Variants in ZFYVE28 observed in about 807,000 individuals in gnomAD.
ZFYVE28 encodes lateral signaling target protein 2 homolog.
ZFYVE28 carries 40 observed loss-of-function variants against 82.1 expected under a neutral mutation model. The ratio of observed to expected loss-of-function variants is 0.49; its 90% CI spans 0.38 to 0.63. The LOEUF is 0.63. Among genes scored for constraint, ZFYVE28 ranks in the 30% least tolerant of loss-of-function variants. The pLI is 0.00. For synonymous variants in ZFYVE28, 612 were observed against 546.1 expected, an observed-to-expected ratio of 1.12 and a Z score of -1.68; for missense variants, 1,321 against 1,242.1, an observed-to-expected ratio of 1.06 and a Z score of -0.96.
rs71606389 is a variant in ZFYVE28, at chr4:2,341,877, G to A, written c.181-262C>T. 1.9e-4 allele frequency among the ~76,000 whole-genome samples: 29 copies of A among 152,268 alleles called. No homozygotes were observed. The highest frequency in any genetic ancestry group is 6.3e-4 in the African/African-American group (26 of 41,546). ...TCTACTAAAAATACAAAAATTAGCC[G>A]GGCGTGGTAGCGCACACCTGTAATC... On this transcript the variant is annotated intron_variant, in intron 2 of 12. Transcript: ENST00000290974. The surrounding 1 kb of genome is among the most constrained non-coding windows in gnomAD (Gnocchi z 4.5).
At chr4:2,404,719 T>C (rs952717443) in intron 1 of ZFYVE28, among the ~76,000 whole-genome samples, 1 of 152,134 alleles carries the variant, frequency 6.6e-6, no homozygotes, top group Admixed American at 6.6e-5. Context: ...ACAGGGTGTT[T>C]ATATGGGATG....
At chr4:2,288,983 A>T (rs756686975) in intron 8 of ZFYVE28, among the ~76,000 whole-genome samples, 13 of 151,362 alleles carry the variant, frequency 8.6e-5, no homozygotes, top group Non-Finnish European at 1.6e-4. Context: ...AAATTAAATT[A>T]ATAAAATAGG....
chr4:2,299,642 AG>A (rs1715189021), intron 8 of ZFYVE28, among the ~76,000 whole-genome samples: 1 of 123,610 alleles, frequency 8.1e-6, no homozygotes, highest in Non-Finnish European at 1.7e-5. Context: ...AAGGGAAGGG[AG>A]GGGAGGGAGG....
chr4:2,346,962 A>G (rs1224913473), intron 2 of ZFYVE28, among the ~76,000 whole-genome samples: 1 of 152,224 alleles, frequency 6.6e-6, no homozygotes, highest in Non-Finnish European at 1.5e-5. Flanking sequence ...AAAATGATCT[A>G]AAAACCCCAA....
chr4:2,331,830 C>T (rs1298434792), intron 6 of ZFYVE28, among the ~76,000 whole-genome samples: 2 of 152,248 alleles, frequency 1.3e-5, no homozygotes, highest in Non-Finnish European at 2.9e-5. Context: ...CCTTCCACCT[C>T]CCCCTGCCAA....
chr4:2,304,817 G>C lies in ZFYVE28; in HGVS notation c.1523C>G (p.Thr508Arg), dbSNP rs1716280640. The C allele has an allele frequency of 1.2e-6, 2 of 1,612,548 alleles. No homozygotes were observed. Among genetic ancestry groups the C allele is most frequent in the Admixed American group, 1.7e-5 (1 of 60,004 alleles). ...CGTGGCTGAGAGCTTCATGCCCCCT[G>C]TCCGGTGGGCGATCATCTCAGCCGT... ...AETAEMIAHR[T>R]GGMKLSATVI... is the part of the protein sequence containing the mutation. The change falls in exon 8 of 13, where the codon ACA (threonine) becomes AGA (arginine). Residue 508 changes from threonine (T) to arginine (R), a missense_variant. Transcript: ENST00000290974.
chr4:2,331,996 C>T (rs549611497), intron 6 of ZFYVE28, among the ~76,000 whole-genome samples: 18 of 152,356 alleles, frequency 1.2e-4, no homozygotes, highest in African/African-American at 2.9e-4. Context: ...TGACCCCCAG[C>T]GGTGCCTTCG....
rs546511203 is a variant in ZFYVE28 at position 2,371,043 on chromosome 4, CTCT to C, written c.40-16973_40-16971del. ...CATGTGGGGCGCAGCCCGAGTCTGGCTCTTCTTCTTGACCAGTTGTTAGGTTTC... is the reference window on the plus strand; with the variant it reads ...CATGTGGGGCGCAGCCCGAGTCTGGCTCTTCTTGACCAGTTGTTAGGTTTC... On this transcript the variant is annotated intron_variant, in intron 1 of 12. Coordinates refer to ENST00000290974, the MANE Select transcript of ZFYVE28 (RefSeq NM_020972.3). 3.2e-4 allele frequency among the ~76,000 whole-genome samples: 49 copies of C among 152,360 alleles called. No homozygotes were observed. In the South Asian group the frequency reaches 3.3e-3, roughly 10 times the overall value.
At chr4:2,392,303 G>A (rs1049410910) in intron 1 of ZFYVE28, among the ~76,000 whole-genome samples, 2 of 152,092 alleles carry the variant, frequency 1.3e-5, no homozygotes, top group Non-Finnish European at 2.9e-5. Flanking sequence ...CTCCTCTCCC[G>A]CAGACTCTGA....
Position 2,320,816 on chromosome 4 carries a change from C to T in ZFYVE28, c.702-545G>A, listed in dbSNP as rs1718965355. On this transcript the variant is annotated intron_variant, in intron 6 of 12. Coordinates refer to ENST00000290974, the MANE Select transcript of ZFYVE28 (RefSeq NM_020972.3). This position sits in a 1 kb window ranked among gnomAD's most constrained non-coding sequence, Gnocchi z 5.1. ...TCATCCCCCACACAGGACCCACCTC[C>T]CTTGTGGTGCCCACCATGCCCCGAG... is the stretch of plus-strand genomic sequence containing the variant. Among the ~76,000 whole-genome samples the T allele has an allele frequency of 6.6e-6, 1 of 152,184 alleles. No homozygotes were observed. The highest frequency in any genetic ancestry group is 2.4e-5 in the African/African-American group (1 of 41,438).
At position 2,273,970 on chromosome 4, in the gene ZFYVE28, G is replaced by C. The variant is rs925417304; in HGVS notation, c.2206+92C>G. On this transcript the variant is annotated intron_variant, in intron 9 of 12. Transcript: ENST00000290974. ...TGGGCTGCTGTTTACAGGAAAGTGA[G>C]GGGGAGGTTGTACACGCCCCGCCTG... 3 of 1,429,812 alleles carry C rather than the reference G, an allele frequency of 2.1e-6. No homozygotes were observed. The Admixed American group carries it at 5.5e-5, about 26-fold the overall frequency. The allele number at this position is 1,429,812 out of a possible 1,614,324, so 88.6% of individuals were successfully genotyped here.
At chr4:2,397,451 C>G (rs1730597724) in intron 1 of ZFYVE28, among the ~76,000 whole-genome samples, 1 of 141,088 alleles carries the variant, frequency 7.1e-6, no homozygotes, top group Non-Finnish European at 1.5e-5. Flanking sequence ...GCACTCCAGC[C>G]TGGGGGCCAG....
chr4:2,403,283 G>C (rs971991581), intron 1 of ZFYVE28, among the ~76,000 whole-genome samples: 1 of 152,230 alleles, frequency 6.6e-6, no homozygotes, highest in Non-Finnish European at 1.5e-5. Flanking sequence ...TCTGAGATGG[G>C]CAAAGGACTA....
chr4:2,306,114 C>T (rs930912819), intron 7 of ZFYVE28, among the ~76,000 whole-genome samples: 3 of 152,252 alleles, frequency 2.0e-5, no homozygotes, highest in African/African-American at 7.2e-5. Context: ...AAGGAGGGTG[C>T]AGCAGGGCAC....
chr4:2,307,880 A>C (rs1490730169), intron 7 of ZFYVE28, among the ~76,000 whole-genome samples: 3 of 152,346 alleles, frequency 2.0e-5, no homozygotes, highest in Non-Finnish European at 4.4e-5. Flanking sequence ...AGACACTAAT[A>C]GATAACCATA....
At chr4:2,376,689 C>T (rs899451246) in intron 1 of ZFYVE28, among the ~76,000 whole-genome samples, 6 of 152,294 alleles carry the variant, frequency 3.9e-5, no homozygotes, top group East Asian at 1.9e-4. Flanking sequence ...GATTCAATTA[C>T]GTCCCATCAA....
intron 7 of ZFYVE28, among the ~76,000 whole-genome samples, chr4:2,310,472 G>C: frequency 6.6e-6 from 1 of 152,102 alleles, no homozygotes; most frequent in Non-Finnish European, 1.5e-5. Context: ...TCTTGGTCAG[G>C]TTTAAATGTC....
In ZFYVE28 at chr4:2,382,426, G is replaced by T. The variant is rs189782276; in HGVS notation, c.40-28353C>A. On this transcript the variant is annotated intron_variant, in intron 1 of 12. Coordinates refer to ENST00000290974, the MANE Select transcript of ZFYVE28 (RefSeq NM_020972.3). Reference sequence around the variant, plus strand: ...TCACAGGGGTGGAGCTGCCCAAGACGATGGGAACCCACCTCTTGCACCAGG... The same window carrying T: ...TCACAGGGGTGGAGCTGCCCAAGACTATGGGAACCCACCTCTTGCACCAGG... 3.2e-4 allele frequency among the ~76,000 whole-genome samples: 49 copies of T among 152,352 alleles called. 1 individual carries two copies. Among genetic ancestry groups the T allele is most frequent in the African/African-American group, 1.2e-3 (48 of 41,590 alleles).
chr4:2,283,015 C>T (rs917860958), intron 8 of ZFYVE28, among the ~76,000 whole-genome samples: 8 of 152,286 alleles, frequency 5.3e-5, no homozygotes, highest in East Asian at 1.9e-4. Flanking sequence ...ATTAGCAGCT[C>T]GGGCATTTGT....
Sources: allele counts gnomAD v4.1 joint callset (sites outside exome capture counted in the v4.1 genomes callset), GRCh38; gene constraint gnomAD v4.1.1; non-coding constraint Gnocchi (gnomAD v3.1); transcripts MANE v1.5; gene names NCBI Gene and HGNC (gene_info 2026-07-23, HGNC 2026-07-21).